Variants in PIP5K1B observed in about 807,000 individuals in gnomAD.
PIP5K1B encodes the protein phosphatidylinositol-4-phosphate 5-kinase type 1 beta, also known as phosphatidylinositol 4-phosphate 5-kinase type-1 beta.
A neutral mutation model predicts 67.0 loss-of-function variants in PIP5K1B; 42 were observed. The ratio of observed to expected loss-of-function variants is 0.63; its 90% CI spans 0.49 to 0.81. The LOEUF is 0.81. Ranked by LOEUF, PIP5K1B falls within the 30% of genes least tolerant of loss-of-function variation. The probability of loss-of-function intolerance (pLI) is 0.00; values close to 1 mark genes in which losing one functional copy is unlikely to be tolerated. For missense variants in PIP5K1B, 459 were observed against 646.3 expected (o/e 0.71, Z 3.14); for synonymous variants, 214 against 231.4 (o/e 0.92, Z 0.68).
chr9:69,002,478 T>C (rs993908964), intron 15 of PIP5K1B, among the ~76,000 whole-genome samples: 2 of 152,190 alleles, frequency 1.3e-5, no homozygotes, highest in Non-Finnish European at 2.9e-5. Context: ...CCTAACAAAA[T>C]GGTGAGCTTT....
chr9:68,880,799 T>C (rs912568513), intron 6 of PIP5K1B, among the ~76,000 whole-genome samples: 2 of 152,120 alleles, frequency 1.3e-5, no homozygotes, highest in African/African-American at 2.4e-5. Flanking sequence ...CATAACTACC[T>C]GGTCCCCAAC....
chr9:68,730,844 A>G (rs1205193792), intron 1 of PIP5K1B, among the ~76,000 whole-genome samples: 1 of 152,256 alleles, frequency 6.6e-6, no homozygotes, highest in Non-Finnish European at 1.5e-5. Context: ...GGTTGGAAAC[A>G]AGAAAAGGAT....
chr9:69,007,465 C>T (rs776847956), intron 15 of PIP5K1B, among the ~76,000 whole-genome samples: 14 of 152,136 alleles, frequency 9.2e-5, no homozygotes, highest in Non-Finnish European at 1.8e-4. Flanking sequence ...AAATTTATCC[C>T]TCACCACCAC....
intron 2 of PIP5K1B, among the ~76,000 whole-genome samples, chr9:68,797,111 C>A (rs1359885964): frequency 6.6e-6 from 1 of 152,148 alleles, no homozygotes; most frequent in Non-Finnish European, 1.5e-5. Flanking sequence ...ATGTACCTGG[C>A]ACTGTCCTAG....
chr9:68,956,708 TC>T (rs1369703199), intron 14 of PIP5K1B, among the ~76,000 whole-genome samples: 1 of 152,184 alleles, frequency 6.6e-6, no homozygotes, highest in Non-Finnish European at 1.5e-5. Context: ...CAGCATTGAG[TC>T]CAAGTTTTAC....
At chr9:68,979,425 G>T (rs550096322) in intron 14 of PIP5K1B, among the ~76,000 whole-genome samples, 24 of 150,790 alleles carry the variant, frequency 1.6e-4, no homozygotes, top group Admixed American at 4.0e-4. Context: ...GTACATGTTG[G>T]GGTATGATAT....
chr9:68,788,474 T>TTTTGTTTTG, intron 2 of PIP5K1B: 7 of 291,426 alleles, frequency 2.4e-5, no homozygotes, highest in Non-Finnish European at 4.5e-5. Context: ...ATCAGGAAGG[T>TTTTGTTTTG]TTTTGTTTTG....
At chr9:69,002,120 C>A (rs1345427950) in intron 15 of PIP5K1B, among the ~76,000 whole-genome samples, 1 of 152,154 alleles carries the variant, frequency 6.6e-6, no homozygotes, top group Non-Finnish European at 1.5e-5. Flanking sequence ...GGAGGCCTGG[C>A]ACTCCATGTG....
chr9:68,938,168 T>A (rs1827367198), intron 13 of PIP5K1B, among the ~76,000 whole-genome samples: 1 of 152,212 alleles, frequency 6.6e-6, no homozygotes, highest in Admixed American at 6.5e-5. Flanking sequence ...ATTTTCTGTC[T>A]CGTTGATCTG....
intron 1 of PIP5K1B, chr9:68,727,715 A>G (rs1828223532): frequency 6.6e-6 from 1 of 152,158 alleles, no homozygotes; most frequent in Non-Finnish European, 1.5e-5. Context: ...GATACTAAGT[A>G]TGTTATTTGA....
At chr9:68,882,546 A>T (rs549664303) in intron 6 of PIP5K1B, among the ~76,000 whole-genome samples, 14 of 152,194 alleles carry the variant, frequency 9.2e-5, no homozygotes, top group Non-Finnish European at 1.5e-4. Context: ...TTATAGAAGA[A>T]TTGGAGACTT....
chr9:68,761,960 T>C (rs1830205871), intron 2 of PIP5K1B, among the ~76,000 whole-genome samples: 1 of 152,124 alleles, frequency 6.6e-6, no homozygotes, highest in Non-Finnish European at 1.5e-5. Flanking sequence ...TTTTAAAGTT[T>C]TAACCAATAA....
chr9:68,728,026 A>G (rs1462555532), intron 1 of PIP5K1B, among the ~76,000 whole-genome samples: 1 of 152,234 alleles, frequency 6.6e-6, no homozygotes, highest in Non-Finnish European at 1.5e-5. Context: ...ATTATTTGAT[A>G]CAAGATGCTA....
At chr9:68,950,176 T>C (rs1005138145) in intron 14 of PIP5K1B, among the ~76,000 whole-genome samples, 7 of 152,190 alleles carry the variant, frequency 4.6e-5, no homozygotes, top group African/African-American at 1.7e-4. Context: ...CAGCTATTCG[T>C]GACCTCCCTG....
At chr9:68,971,082 A>G (rs1470914171) in intron 14 of PIP5K1B, among the ~76,000 whole-genome samples, 1 of 152,190 alleles carries the variant, frequency 6.6e-6, no homozygotes, top group Admixed American at 6.5e-5. Flanking sequence ...TACATGTGCC[A>G]TGGTGGTTTG....
At chr9:68,853,783 C>T (rs1480790722) in intron 4 of PIP5K1B, among the ~76,000 whole-genome samples, 7 of 152,174 alleles carry the variant, frequency 4.6e-5, no homozygotes, top group Non-Finnish European at 7.3e-5. Flanking sequence ...CGGGGGAGAA[C>T]TGCAGACCCC....
At chr9:68,852,135 C>T (rs1822522564) in intron 4 of PIP5K1B, among the ~76,000 whole-genome samples, 1 of 152,022 alleles carries the variant, frequency 6.6e-6, no homozygotes, top group African/African-American at 2.4e-5. Flanking sequence ...ACCTAGATGA[C>T]AGGTTGATAG....
intron 6 of PIP5K1B, among the ~76,000 whole-genome samples, chr9:68,877,479 G>A (rs1823955463): frequency 6.6e-6 from 1 of 152,188 alleles, no homozygotes; most frequent in African/African-American, 2.4e-5. Flanking sequence ...TTTGATCACT[G>A]TTAACACCCT....
At chr9:68,949,413 A>C (rs964564829) in intron 14 of PIP5K1B, among the ~76,000 whole-genome samples, 3 of 151,600 alleles carry the variant, frequency 2.0e-5, no homozygotes, top group Non-Finnish European at 4.4e-5. Context: ...TTGGAAATAA[A>C]CTCTTCTCCC....
Sources: allele counts gnomAD v4.1 joint callset (sites outside exome capture counted in the v4.1 genomes callset), GRCh38; gene constraint gnomAD v4.1.1; transcripts MANE v1.5; gene names NCBI Gene and HGNC (gene_info 2026-07-23, HGNC 2026-07-21).